PIGT: variants seen among roughly 807,000 people sequenced by gnomAD.
PIGT encodes phosphatidylinositol glycan anchor biosynthesis class T.
PIGT carries 57 observed loss-of-function variants against 66.7 expected under a neutral mutation model. The observed-to-expected ratio is 0.86, with a 90% CI of 0.69 to 1.07. PIGT has a LOEUF of 1.07. PIGT is among the 50% of genes least tolerant of loss of function. The probability of loss-of-function intolerance (pLI) is 0.00; values close to 1 mark genes in which losing one functional copy is unlikely to be tolerated. For missense variants in PIGT, 725 were observed against 740.4 expected, an observed-to-expected ratio of 0.98 and a Z score of 0.24; for synonymous variants, 362 against 320.5, an observed-to-expected ratio of 1.13 and a Z score of -1.38.
At position 45,416,685 on chromosome 20, in the gene PIGT, C is replaced by T. The variant is rs376863939; in HGVS notation, c.356C>T (p.Thr119Ile). 20 of 1,612,674 alleles carry T rather than the reference C, an allele frequency of 1.2e-5. No homozygotes were observed. The South Asian group carries it at 2.0e-4, about 16-fold the overall frequency. The change falls in exon 2 of 12, where the codon ACT (threonine) becomes ATT (isoleucine). Residue 119 changes from threonine to isoleucine, a missense_variant. Physicochemically the swap from Thr to Ile is moderately conservative, Grantham distance 89. Around this residue, in one of 3 missense-constraint regions of PIGT, gnomAD observed 559 missense variants for 552.7 expected, o/e 1.01. Coordinates refer to ENST00000279036, the MANE Select transcript of PIGT (RefSeq NM_015937.6). ...GAELWVWFQDTVTDVDKSWKE... is the reference protein window; with the variant it reads ...GAELWVWFQDIVTDVDKSWKE... ...GAGCTGTGGGTCTGGTTCCAAGACA[C>T]TGTCACTGAGTGAGTGCACACCTTG...
chr20:45,416,374 T>C (rs775009634), intron 1 of PIGT, 31 bp downstream of exon 1: 3 of 1,558,588 alleles, frequency 1.9e-6, no homozygotes, highest in Non-Finnish European at 1.7e-6. Flanking sequence ...CAGGGAAAGA[T>C]TTCCGTAGTG....
chr20:45,416,645 G>A lies in PIGT; in HGVS notation c.316G>A (p.Ala106Thr). ...TRYWGPPFLQ[A>T]PSGAELWVWF... is the part of the protein sequence containing the mutation. ...ATACTGGGGGCCACCCTTCCTGCAG[G>A]CCCCATCAGGTGCAGAGCTGTGGGT... Residue 106 changes from alanine (A) to threonine (T), a missense_variant, in exon 2 of 12, where the codon GCC becomes ACC. Coordinates refer to ENST00000279036, the MANE Select transcript of PIGT (RefSeq NM_015937.6). 1 of 1,614,136 alleles carries A rather than the reference G, an allele frequency of 6.2e-7. No individual in the cohort carries two copies. The highest frequency in any genetic ancestry group is 8.5e-7 in the Non-Finnish European group (1 of 1,180,030).
In PIGT at chr20:45,420,317, C is replaced by T. The variant is rs766694784; in HGVS notation, c.770-15C>T. The stretch of plus-strand genomic sequence containing the variant: ...TAGGCCTGGCCCCTGCTCAGCCCTG[C>T]GCTCTGTTTCTCAGACTGGTCCCTC... On this transcript the variant is annotated splice_polypyrimidine_tract_variant and intron_variant, in intron 6 of 11. Coordinates refer to ENST00000279036, the MANE Select transcript of PIGT (RefSeq NM_015937.6). The T allele has an allele frequency of 3.7e-5, 59 of 1,607,246 alleles. No individual in the cohort carries two copies. Among genetic ancestry groups the T allele is most frequent in the South Asian group, 1.1e-4 (10 of 90,204 alleles).
intron 9 of PIGT, chr20:45,422,781 T>A (rs1224883935): frequency 1.3e-5 from 2 of 152,206 alleles, no homozygotes; most frequent in Non-Finnish European, 2.9e-5. Flanking sequence ...TTAAATACTT[T>A]AAGGATTTTT....
At chr20:45,419,959 C>T (rs750021244) in intron 5 of PIGT, 177 bp from the exon 6 acceptor site, 12 of 611,364 alleles carry the variant, frequency 2.0e-5, no homozygotes, top group Non-Finnish European at 2.9e-5. Context: ...CAAACTGATG[C>T]ACATACAGCT....
rs1043268305 is a variant in PIGT at position 45,416,576 on chromosome 20, C to A, written c.247C>A (p.Arg83=). The A allele has an allele frequency of 1.2e-6, 2 of 1,614,160 alleles. No individual in the cohort carries two copies. Among genetic ancestry groups the A allele is most frequent in the African/African-American group, 2.7e-5 (2 of 75,060 alleles). The part of the protein sequence containing the change: ...LGQLISKYSL[R]ELHLSFTQGF... The stretch of plus-strand genomic sequence containing the variant: ...GCAGCTGATCTCCAAGTATTCTCTA[C>A]GGGAGCTGCACCTGTCATTCACACA... Residue 83 remains arginine (R), a synonymous_variant, in exon 2 of 12, where the codon CGG becomes AGG. Coordinates refer to ENST00000279036, the MANE Select transcript of PIGT (RefSeq NM_015937.6).
At position 45,416,180 on chromosome 20, in the gene PIGT, T is replaced by A; in HGVS notation, c.24T>A (p.Ala8=). Residue 8 remains alanine, a synonymous_variant, in exon 1 of 12, where the codon GCT becomes GCA. Transcript: ENST00000279036. MAAAMPL[A]LLVLLLLGPG... is the part of the protein sequence containing the mutation. ...GCATGGCGGCGGCTATGCCGCTTGCTCTGCTCGTCCTGTTGCTCCTGGGGC... is the reference window on the plus strand; with the variant it reads ...GCATGGCGGCGGCTATGCCGCTTGCACTGCTCGTCCTGTTGCTCCTGGGGC... The A allele has an allele frequency of 6.3e-6, 10 of 1,581,442 alleles. No homozygotes were observed. Among genetic ancestry groups the A allele is most frequent in the Non-Finnish European group, 8.6e-6 (10 of 1,165,352 alleles).
rs778812534 is a variant in PIGT at position 45,421,563 on chromosome 20, A to C, written c.1214A>C (p.Lys405Thr). 2.5e-6 allele frequency: 4 copies of C among 1,614,002 alleles called. No individual in the cohort carries two copies. The Admixed American group carries it at 5.0e-5, about 20-fold the overall frequency. ...LYVHTLTITS[K>T]GKENKPSYIH... ...GTGCACACCCTCACCATCACCTCCA[A>C]GGGCAAGGAGAACAAACCAAGTGAG... Residue 405 changes from lysine to threonine, a missense_variant, in exon 9 of 12, where the codon AAG becomes ACG. This residue lies in a region of PIGT where 559 missense variants were observed against 552.7 expected (regional missense o/e 1.01). Transcript: ENST00000279036.
chr20:45,419,480 C>A (rs536857924), intron 4 of PIGT, 24 bp from the exon 5 acceptor site: 2 of 1,614,068 alleles, frequency 1.2e-6, no homozygotes, highest in Admixed American at 1.7e-5. Flanking sequence ...CAGGGCTTCT[C>A]TTATCTCTTT....
rs957472707 is a variant in PIGT, at chr20:45,424,667, G to C, written c.1484+88G>C. 4.3e-6 allele frequency: 4 copies of C among 940,220 alleles called. No homozygotes were observed. In the African/African-American group the frequency reaches 4.8e-5, roughly 11 times the overall value. The allele number at this position is 940,220 out of a possible 1,614,324, so 58.2% of individuals were successfully genotyped here. ...GACCAGGCTCCTGCAGGGGAGTTCAGGGTAGATGTTACATCTTCCAAAGAG... is the reference window on the plus strand; with the variant it reads ...GACCAGGCTCCTGCAGGGGAGTTCACGGTAGATGTTACATCTTCCAAAGAG... On this transcript the variant is annotated intron_variant, in intron 11 of 11. Transcript: ENST00000279036.
chr20:45,420,923 A>T (rs142117782), intron 8 of PIGT: 5 of 584,600 alleles, frequency 8.6e-6, no homozygotes, highest in African/African-American at 5.6e-5. Flanking sequence ...ATTGGATGAG[A>T]TGATGTGAAA....
In PIGT at chr20:45,424,221, A is replaced by G; in HGVS notation, c.1240A>G (p.Ile414Val). 1.9e-6 allele frequency: 3 copies of G among 1,614,100 alleles called. No individual in the cohort carries two copies. The South Asian group carries it at 3.3e-5, about 18-fold the overall frequency. Reference protein sequence around the residue: ...SKGKENKPSYIHYQPAQDRLQ... With the variant: ...SKGKENKPSYVHYQPAQDRLQ... ...GTGACCTTGCATGTCTCCAGGTTAC[A>G]TCCACTACCAGCCTGCCCAGGACCG... Residue 414 changes from isoleucine to valine, a missense_variant, in exon 10 of 12, where the codon ATC becomes GTC. Transcript: ENST00000279036.
chr20:45,420,108 C>T (rs779958808), intron 5 of PIGT, 28 bp from the exon 6 acceptor site: 3 of 1,536,098 alleles, frequency 2.0e-6, no homozygotes, highest in African/African-American at 1.4e-5. Context: ...GATACCCCCT[C>T]ACTGCTGCCA....
In PIGT at chr20:45,425,598, C is replaced by G; in HGVS notation, c.1509C>G (p.Asn503Lys). ...GGTTCCCAGTCTCTGATGGCTCTAA[C>G]TACTTTGTGCGGCTCTACACGGAGC... ...NSLFPVSDGS[N>K]YFVRLYTEPL... The change falls in exon 12 of 12, where the codon AAC becomes AAG. Residue 503 changes from asparagine (N) to lysine (K), a missense_variant. By Grantham distance (94) the Asn-to-Lys change is moderately conservative (BLOSUM62 0). Transcript: ENST00000279036. 1 of 1,613,932 alleles carries G rather than the reference C, an allele frequency of 6.2e-7. No homozygotes were observed. The highest frequency in any genetic ancestry group is 8.5e-7 in the Non-Finnish European group (1 of 1,180,012).
At chr20:45,422,430 G>C (rs1047751927) in intron 9 of PIGT, 17 of 148,792 alleles carry the variant, frequency 1.1e-4, no homozygotes, top group African/African-American at 4.0e-4. Flanking sequence ...ATAATCCCCT[G>C]TACACACCCT....
chr20:45,419,741 CAG>C lies in PIGT; in HGVS notation c.681+152_681+153del, dbSNP rs1990229877. 3 of 662,598 alleles carry C rather than the reference CAG, an allele frequency of 4.5e-6. No individual in the cohort carries two copies. The South Asian group carries it at 5.3e-5, about 12-fold the overall frequency. 41.0% of individuals were successfully genotyped at this position (662,598 alleles called of 1,614,324 possible). A position where few individuals can be genotyped will look rare whatever the true frequency, so the allele number is the denominator to read the frequency against. On this transcript the variant is annotated intron_variant, in intron 5 of 11. Transcript: ENST00000279036. Reference sequence around the variant, plus strand: ...GGGCATTGGCCAAGCACCAAGAAAACAGTGGTTGCCTAGCAAGCACTGAATAA... The same window carrying C: ...GGGCATTGGCCAAGCACCAAGAAAACTGGTTGCCTAGCAAGCACTGAATAA...
At chr20:45,418,738 T>C (rs1026728925) in intron 2 of PIGT, 114 bp from the exon 3 acceptor site, 3 of 1,345,116 alleles carry the variant, frequency 2.2e-6, no homozygotes, top group African/African-American at 1.4e-5. Context: ...CTGGCCCGTC[T>C]AATAGTTAAG....
chr20:45,416,889 T>C (rs1404388214), intron 2 of PIGT, 195 bp downstream of exon 2: 2 of 499,574 alleles, frequency 4.0e-6, no homozygotes, highest in Non-Finnish European at 7.0e-6. Flanking sequence ...AGACCTGAGG[T>C]AGCACATGCA....
rs1600810043 is a variant in PIGT, at chr20:45,419,887, T to C, written c.682-249T>C. The stretch of plus-strand genomic sequence containing the variant: ...TCATTTCATTCCCCTGAGCTTGGTT[T>C]CCCACCCTGCCACATGACATTGATA... On this transcript the variant is annotated intron_variant, in intron 5 of 11. Coordinates refer to ENST00000279036, the MANE Select transcript of PIGT (RefSeq NM_015937.6). 3 of 600,276 alleles carry C rather than the reference T, an allele frequency of 5.0e-6. No individual in the cohort carries two copies. In the East Asian group the frequency reaches 8.3e-5, roughly 17 times the overall value. The allele number at this position is 600,276 out of a possible 1,614,324, so 37.2% of individuals were successfully genotyped here.
Sources: gnomAD v4.1 joint callset for allele counts on GRCh38, gnomAD v4.1.1 for gene constraint, gnomAD v4.1.1 regional missense constraint, MANE v1.5 for transcripts, NCBI Gene and HGNC (gene_info 2026-07-23, HGNC 2026-07-21) for gene names.